The following UGDH variants were observed in gnomAD, a reference collection of about 807,000 sequenced individuals.
UGDH encodes the protein UDP-glucose 6-dehydrogenase.
Under a neutral mutation model 50.6 loss-of-function variants are expected in UGDH, and 38 were observed. The observed-to-expected ratio is 0.75, with a 90% CI of 0.58 to 0.98. The LOEUF (loss-of-function observed/expected upper bound fraction) is 0.98, where lower values mean the gene tolerates loss of function less well. Ranked by LOEUF, UGDH falls within the 50% of genes least tolerant of loss-of-function variation. The pLI is 0.00. For synonymous variants in UGDH, 168 were observed against 199.9 expected (o/e 0.84, Z 1.35); for missense variants, 465 against 606.2 (o/e 0.77, Z 2.45).
chr4:39,512,962 C>T (rs1746297920), intron 3 of UGDH, among the ~76,000 whole-genome samples: 1 of 151,894 alleles, frequency 6.6e-6, no homozygotes, highest in African/African-American at 2.4e-5. Context: ...GTCAGGACTA[C>T]AGACATACAG....
chr4:39,505,189 A>G lies in UGDH; in HGVS notation c.1171+48T>C, dbSNP rs199713723. 1,731 of 1,553,170 alleles carry G rather than the reference A, an allele frequency of 1.1e-3. 2 individuals are homozygous for G. Among genetic ancestry groups the G allele is most frequent in the Non-Finnish European group, 1.4e-3 (1,600 of 1,159,958 alleles). ...AACCTAAGGTTTCCAAAAGATAAAAAGTTTTCAGGTCTGGACTCAAAATGA... is the reference window on the plus strand; with the variant it reads ...AACCTAAGGTTTCCAAAAGATAAAAGGTTTTCAGGTCTGGACTCAAAATGA... On this transcript the variant is annotated intron_variant, in intron 9 of 11. Transcript: ENST00000316423.
chr4:39,523,552 C>T (rs1317502866), intron 1 of UGDH, among the ~76,000 whole-genome samples: 1 of 152,008 alleles, frequency 6.6e-6, no homozygotes. Context: ...TGCCTGTAAT[C>T]CCAGCACTTC....
rs56814765 is a variant in UGDH, at chr4:39,500,102, CAAAAA to C, written c.*36_*40del. On this transcript the variant is annotated 3_prime_UTR_variant, in exon 12 of 12. Coordinates refer to ENST00000316423, the MANE Select transcript of UGDH (RefSeq NM_003359.4). ...ATAGATATTTGCTATCCTGAAGTAC[CAAAAA>C]AAAAAAAAAAAAATCACAAATAAAA... is the stretch of plus-strand genomic sequence containing the variant. 3,782 of 1,060,570 alleles carry C rather than the reference CAAAAA, an allele frequency of 3.6e-3. 1 individual carries two copies. The highest frequency in any genetic ancestry group is 7.5e-3 in the South Asian group (421 of 56,052). 65.7% of individuals were successfully genotyped at this position (1,060,570 alleles called of 1,614,324 possible).
chr4:39,520,335 G>A (rs139640903), intron 2 of UGDH, among the ~76,000 whole-genome samples: 8 of 152,078 alleles, frequency 5.3e-5, no homozygotes, highest in African/African-American at 1.4e-4. Context: ...GTGAAACTCC[G>A]TCTCAAAAAA....
At chr4:39,512,459 G>A (rs1270672873) in intron 3 of UGDH, among the ~76,000 whole-genome samples, 2 of 152,320 alleles carry the variant, frequency 1.3e-5, no homozygotes, top group African/African-American at 2.4e-5. Flanking sequence ...GATGTAGGGT[G>A]AAACTGGCTA....
intron 2 of UGDH, among the ~76,000 whole-genome samples, chr4:39,517,655 TTAACAG>T (rs1746487098): frequency 6.6e-6 from 1 of 152,208 alleles, no homozygotes; most frequent in African/African-American, 2.4e-5. Context: ...AGAAAGAACA[TTAACAG>T]TAAGTCAAAG....
intron 5 of UGDH, 63 bp from the exon 6 acceptor site, chr4:39,509,970 T>C: frequency 6.6e-7 from 1 of 1,514,698 alleles, no homozygotes; most frequent in Non-Finnish European, 8.8e-7. Context: ...ATACATCTAG[T>C]TTATATTTCA....
intron 5 of UGDH, 90 bp from the exon 6 acceptor site, chr4:39,509,997 T>A: frequency 7.2e-7 from 1 of 1,391,852 alleles, no homozygotes. Context: ...TGACGCAAAT[T>A]ACTGAGGGAG....
intron 6 of UGDH, among the ~76,000 whole-genome samples, chr4:39,508,963 G>C (rs976655941): frequency 3.5e-5 from 5 of 143,018 alleles, no homozygotes; most frequent in Admixed American, 7.3e-5. Flanking sequence ...ACATTCTTTA[G>C]CACAGGGTCA....
chr4:39,504,664 C>A (rs1014888778), intron 9 of UGDH, among the ~76,000 whole-genome samples, 156 bp from the exon 10 acceptor site: 45 of 152,246 alleles, frequency 3.0e-4, no homozygotes, highest in Non-Finnish European at 2.5e-4. Context: ...TACACACATA[C>A]CTGTTTTTTG....
chr4:39,500,172 C>G lies in UGDH; in HGVS notation c.1456G>C (p.Asp486His). ...ACTTTAGGTTTCTTGTTAGGTGGAT[C>G]TTGAAGACTAAACTTCGGAATTTCA... ...SGEIPKFSLQ[D>H]PPNKKPKV The change falls in exon 12 of 12, where the codon GAT becomes CAT. Residue 486 changes from aspartate (D) to histidine (H), a missense_variant. By Grantham distance (81) the Asp-to-His change is moderately conservative. Transcript: ENST00000316423. The G allele has an allele frequency of 6.3e-7, 1 of 1,596,044 alleles. No homozygotes were observed. The highest frequency in any genetic ancestry group is 1.1e-5 in the South Asian group (1 of 87,722).
intron 3 of UGDH, among the ~76,000 whole-genome samples, chr4:39,513,536 T>C (rs1050136542): frequency 8.2e-6 from 1 of 121,502 alleles, no homozygotes; most frequent in Non-Finnish European, 1.7e-5. Flanking sequence ...TAGTTCTTTT[T>C]TTTTTTTTTT....
At chr4:39,500,653 C>CTTTTTTTTTTTTTTTTTTTTTTTTTT (rs11284301) in intron 11 of UGDH, among the ~76,000 whole-genome samples, 2 of 135,222 alleles carry the variant, frequency 1.5e-5, no homozygotes. Flanking sequence ...GCATAATTCT[C>CTTTTTTTTTTTTTTTTTTTTTTTTTT]TTTTTTTTTT....
intron 6 of UGDH, 134 bp from the exon 7 acceptor site, chr4:39,508,794 TG>T (rs918641406): frequency 1.4e-6 from 1 of 714,158 alleles, no homozygotes; most frequent in Admixed American, 3.6e-5. Context: ...GGATAAATAA[TG>T]GGCTTATAAA....
At chr4:39,505,772 C>G (rs1191037105) in intron 7 of UGDH, 24 bp from the exon 8 acceptor site, 1 of 1,582,850 alleles carries the variant, frequency 6.3e-7, no homozygotes, top group Non-Finnish European at 8.6e-7. Flanking sequence ...TACAATTGTG[C>G]AATGATTAGT....
At position 39,510,443 on chromosome 4, in the gene UGDH, A is replaced by G. The variant is rs1578269918; in HGVS notation, c.573T>C (p.Ala191=). 1.2e-6 allele frequency: 2 copies of G among 1,614,198 alleles called. No homozygotes were observed. Among genetic ancestry groups the G allele is most frequent in the Non-Finnish European group, 1.7e-6 (2 of 1,180,034 alleles). The change falls in exon 5 of 12, where the codon GCT becomes GCC. Residue 191 remains alanine, a synonymous_variant. Coordinates refer to ENST00000316423, the MANE Select transcript of UGDH (RefSeq NM_003359.4). ...CATATACAGCACACAGGGCCTGCAC[A>G]GCTCTCTGGCCCTCTGGAGTTTCAT... ...GGDETPEGQR[A]VQALCAVYEH...
intron 11 of UGDH, among the ~76,000 whole-genome samples, chr4:39,501,336 G>A (rs981052924): frequency 2.7e-5 from 4 of 148,108 alleles, no homozygotes; most frequent in Non-Finnish European, 4.4e-5. Context: ...GTGCAGTGGC[G>A]TGATCTCGGC....
chr4:39,508,732 T>C, intron 6 of UGDH, 72 bp from the exon 7 acceptor site: 1 of 1,312,362 alleles, frequency 7.6e-7, no homozygotes, highest in East Asian at 2.6e-5. Flanking sequence ...CAAATTTCTT[T>C]ATACTAAATC....
At chr4:39,502,882 G>A (rs754891349) in intron 11 of UGDH, among the ~76,000 whole-genome samples, 1 of 151,900 alleles carries the variant, frequency 6.6e-6, no homozygotes, top group Non-Finnish European at 1.5e-5. Flanking sequence ...ATGTGGCTGG[G>A]ATTACAGGCA....
Sources: gnomAD v4.1 joint callset for allele counts (sites outside exome capture counted in the v4.1 genomes callset) on GRCh38, gnomAD v4.1.1 for gene constraint, MANE v1.5 for transcripts, NCBI Gene and HGNC (gene_info 2026-07-23, HGNC 2026-07-21) for gene names.